The following CENPM variants were observed in gnomAD, a reference collection of about 807,000 sequenced individuals.
CENPM encodes the protein interphase centromere complex protein 39.
Under a neutral mutation model 19.6 loss-of-function variants are expected in CENPM, and 14 were observed. The observed-to-expected ratio is 0.71, with a 90% CI of 0.47 to 1.11. CENPM has a LOEUF of 1.11. Ranked by LOEUF, CENPM falls within the 50% of genes most tolerant of loss-of-function variation. The pLI is 0.00. For missense variants in CENPM, 239 were observed against 228.4 expected, an observed-to-expected ratio of 1.05 and a Z score of -0.30; for synonymous variants, 114 against 101.5, an observed-to-expected ratio of 1.12 and a Z score of -0.74.
intron 1 of CENPM, 140 bp downstream of exon 1, chr22:41,946,880 G>A (rs1602395694): frequency 1.2e-6 from 1 of 818,636 alleles, no homozygotes; most frequent in Non-Finnish European, 2.0e-6. Flanking sequence ...TTGGTTCAGA[G>A]CATGGCTCTC....
In CENPM at chr22:41,939,045, G is replaced by T. The variant is rs377466334; in HGVS notation, c.*11C>A. 6 of 1,612,484 alleles carry T rather than the reference G, an allele frequency of 3.7e-6. No homozygotes were observed. The African/African-American group carries it at 5.3e-5, about 14-fold the overall frequency. ...AGCCATGAGAAGGGGCAGCCCAGGG[G>T]CCAGCCACCCTCACAGGTCCTCCAG... On this transcript the variant is annotated 3_prime_UTR_variant, in exon 6 of 6. Transcript: ENST00000215980.
rs952654174 is a variant in CENPM at position 41,938,953 on chromosome 22, C to T, written c.*103G>A. On this transcript the variant is annotated 3_prime_UTR_variant, in exon 6 of 6. Transcript: ENST00000215980. ...AGGGAACCTTCCCAGCCACGGCGGG[C>T]TGAGCCTGGGCCTGTCAAGCCCTGA... 47 of 1,468,662 alleles carry T rather than the reference C, an allele frequency of 3.2e-5. No individual in the cohort carries two copies. The Admixed American group carries it at 4.0e-4, about 13-fold the overall frequency. 91.0% of individuals were successfully genotyped at this position (1,468,662 alleles called of 1,614,324 possible). A position where few individuals can be genotyped will look rare whatever the true frequency, so the allele number is the denominator to read the frequency against.
rs778737699 is a variant in CENPM at position 41,943,593 on chromosome 22, G to A, written c.402+17C>T. 6.2e-7 allele frequency: 1 copy of A among 1,609,714 alleles called. No individual in the cohort carries two copies. Among genetic ancestry groups the A allele is most frequent in the Non-Finnish European group, 8.5e-7 (1 of 1,176,826 alleles). On this transcript the variant is annotated intron_variant, in intron 5 of 5. Transcript: ENST00000215980. Reference sequence around the variant, plus strand: ...GCACCCGAGTATAGTGTTGGTCTCTGTGATCAGCATGCTCACCTCCAGGTC... The same window carrying A: ...GCACCCGAGTATAGTGTTGGTCTCTATGATCAGCATGCTCACCTCCAGGTC...
At position 41,941,282 on chromosome 22, in the gene CENPM, G is replaced by A. The variant is rs182011898; in HGVS notation, c.403-2086C>T. ...TTATGCAGAAGAGTGTTCTGAAGAG[G>A]ACAACACCAGCATGAAGAAGGAGGC... is the stretch of plus-strand genomic sequence containing the variant. On this transcript the variant is annotated intron_variant, in intron 5 of 5. Coordinates refer to ENST00000215980, the MANE Select transcript of CENPM (RefSeq NM_024053.5). 7.4e-4 allele frequency among the ~76,000 whole-genome samples: 112 copies of A among 152,328 alleles called. 1 individual carries two copies. Among genetic ancestry groups the A allele is most frequent in the Non-Finnish European group, 9.1e-4 (62 of 68,016 alleles).
downstream of CENPM, among the ~76,000 whole-genome samples, chr22:41,938,141 A>AT (rs11440934): frequency 0.69 from 83,230 of 120,050 alleles, 29,808 homozygotes; most frequent in East Asian, 0.94. Flanking sequence ...CGCGCCCAGC[A>AT]TTTTTTTTTT....
chr22:41,944,825 C>T, intron 4 of CENPM: 1 of 1,021,826 alleles, frequency 9.8e-7, no homozygotes, highest in Non-Finnish European at 1.2e-6. Context: ...CAGGCAACCA[C>T]TAGGCAACTC....
At chr22:41,943,508 T>C (rs1045935368) in intron 5 of CENPM, 102 bp downstream of exon 5, 11 of 999,140 alleles carry the variant, frequency 1.1e-5, no homozygotes, top group African/African-American at 4.8e-5. Flanking sequence ...CTCGCTCGGA[T>C]ACTAAGTCCT....
the CENPM span, chr22:41,928,064 G>A: frequency 7.2e-6 from 2 of 278,620 alleles, no homozygotes; most frequent in South Asian, 3.3e-5. This position sits in a 1 kb window ranked among gnomAD's most constrained non-coding sequence, Gnocchi z 4.0. Context: ...TGCTGGGACC[G>A]AAAGGCTGGA....
chr22:41,928,116 T>G, the CENPM span: 9 of 377,456 alleles, frequency 2.4e-5, no homozygotes, highest in Admixed American at 2.7e-4. The surrounding 1 kb of genome is among the most constrained non-coding windows in gnomAD (Gnocchi z 4.0). Context: ...GGACTGTGGC[T>G]GGGGGACACG....
downstream of CENPM, among the ~76,000 whole-genome samples, chr22:41,935,874 CTTTT>C (rs763615752): frequency 7.1e-6 from 1 of 140,504 alleles, no homozygotes; most frequent in Non-Finnish European, 1.6e-5. Context: ...ATGCCCAAAT[CTTTT>C]TTTTTTTTTT....
intron 1 of CENPM, 102 bp downstream of exon 1, chr22:41,946,918 G>A: frequency 1.7e-6 from 2 of 1,206,254 alleles, no homozygotes; most frequent in South Asian, 1.2e-5. Flanking sequence ...CGCCACGGTA[G>A]CGCGCGCTGG....
At chr22:41,942,118 AC>A (rs2077745393) in intron 5 of CENPM, among the ~76,000 whole-genome samples, 1 of 152,200 alleles carries the variant, frequency 6.6e-6, no homozygotes, top group South Asian at 2.1e-4. Context: ...CAGGCACAAG[AC>A]CCAGAACAGA....
In CENPM at chr22:41,938,747, AC is replaced by A. The variant is rs2077696753; in HGVS notation, c.*308del. On this transcript the variant is annotated 3_prime_UTR_variant, in exon 6 of 6. Coordinates refer to ENST00000215980, the MANE Select transcript of CENPM (RefSeq NM_024053.5). ...GGTGAATGAGACCAGTGATTTTTAAACTTTTTTTAGCCACAGACCTTTTGTT... is the reference window on the plus strand; with the variant it reads ...GGTGAATGAGACCAGTGATTTTTAAATTTTTTTAGCCACAGACCTTTTGTT... The A allele has an allele frequency of 3.3e-6, 1 of 300,512 alleles. No homozygotes were observed. Among genetic ancestry groups the A allele is most frequent in the Admixed American group, 4.9e-5 (1 of 20,422 alleles). 18.6% of individuals were successfully genotyped at this position (300,512 alleles called of 1,614,324 possible).
downstream of CENPM, among the ~76,000 whole-genome samples, chr22:41,933,899 C>T (rs982289104): frequency 1.3e-5 from 2 of 152,160 alleles, no homozygotes; most frequent in Non-Finnish European, 2.9e-5. Context: ...TCCTCGCCCA[C>T]CAGCCTGCCA....
At chr22:41,930,414 G>A in the CENPM span, among the ~76,000 whole-genome samples, 1 of 151,936 alleles carries the variant, frequency 6.6e-6, no homozygotes, top group African/African-American at 2.4e-5. Context: ...TGTATTTTTA[G>A]TAGAAATGGG....
intron 2 of CENPM, 163 bp from the exon 3 acceptor site, chr22:41,946,168 G>A: frequency 2.9e-6 from 2 of 697,558 alleles, no homozygotes; most frequent in Non-Finnish European, 5.0e-6. Context: ...CACAGAGGCA[G>A]GACAGGTCCG....
downstream of CENPM, among the ~76,000 whole-genome samples, chr22:41,936,698 G>T (rs1317013077): frequency 1.3e-5 from 2 of 152,224 alleles, no homozygotes; most frequent in Admixed American, 6.5e-5. Context: ...GGAGGCCAAG[G>T]GTGGCAGATC....
chr22:41,942,522 G>A (rs932072107), intron 5 of CENPM, among the ~76,000 whole-genome samples: 2 of 152,050 alleles, frequency 1.3e-5, no homozygotes, highest in African/African-American at 4.8e-5. Flanking sequence ...AAGCCGAGGC[G>A]GGCGGATCAC....
At chr22:41,940,177 A>C in intron 5 of CENPM, 1 of 768,676 alleles carries the variant, frequency 1.3e-6, no homozygotes. Flanking sequence ...CGGCCCATGC[A>C]CTTGCTGTTC....
Sources: allele counts gnomAD v4.1 joint callset (sites outside exome capture counted in the v4.1 genomes callset), GRCh38; gene constraint gnomAD v4.1.1; non-coding constraint Gnocchi (gnomAD v3.1); transcripts MANE v1.5; gene names NCBI Gene and HGNC (gene_info 2026-07-23, HGNC 2026-07-21).